Variants in MAGI2 observed in about 807,000 individuals in gnomAD.
The protein encoded by MAGI2 is membrane-associated guanylate kinase, WW and PDZ domain-containing protein 2.
In MAGI2, 35 loss-of-function variants were observed where a neutral mutation model predicts 133.3. That is an observed-to-expected ratio of 0.26 (90% CI 0.20 to 0.35). The LOEUF (loss-of-function observed/expected upper bound fraction) is 0.35, where lower values mean the gene tolerates loss of function less well. Among genes scored for constraint, MAGI2 ranks in the 10% least tolerant of loss-of-function variants. The pLI is 1.00. For synonymous variants in MAGI2, 729 were observed against 710.6 expected, an observed-to-expected ratio of 1.03 and a Z score of -0.41; for missense variants, 1,636 against 1,863.4, an observed-to-expected ratio of 0.88 and a Z score of 2.25.
rs76074651 is a variant in MAGI2, at chr7:78,715,437, A to G, written c.419-88198T>C. 3.9e-5 allele frequency among the ~76,000 whole-genome samples: 6 copies of G among 152,306 alleles called. No homozygotes were observed. The East Asian group carries it at 1.2e-3, about 29-fold the overall frequency. The stretch of plus-strand genomic sequence containing the variant: ...TTGTATATCTTACCTGTTAAAAATT[A>G]AGGACTTTGTCACCAAAAAGCAATA... On this transcript the variant is annotated intron_variant, in intron 2 of 21. Coordinates refer to ENST00000354212, the MANE Select transcript of MAGI2 (RefSeq NM_012301.4).
At chr7:78,449,341 T>C (rs774960187) in intron 6 of MAGI2, among the ~76,000 whole-genome samples, 8 of 152,088 alleles carry the variant, frequency 5.3e-5, no homozygotes, top group African/African-American at 1.7e-4. Context: ...ATCTGCACTA[T>C]TGTTTACTTA....
At chr7:79,357,265 T>A (rs1427343005) in intron 1 of MAGI2, among the ~76,000 whole-genome samples, 3 of 152,180 alleles carry the variant, frequency 2.0e-5, no homozygotes, top group African/African-American at 4.8e-5. Flanking sequence ...TGACAATGCA[T>A]CCTGGGAGAC....
intron 2 of MAGI2, among the ~76,000 whole-genome samples, chr7:78,911,247 A>G (rs1041281612): frequency 9.9e-5 from 15 of 152,132 alleles, no homozygotes; most frequent in South Asian, 2.1e-4. Flanking sequence ...TTTTTCACAG[A>G]TAGTGGATTA....
intron 1 of MAGI2, among the ~76,000 whole-genome samples, chr7:79,205,359 A>G (rs1202478345): frequency 6.6e-6 from 1 of 151,950 alleles, no homozygotes; most frequent in Admixed American, 6.5e-5. Context: ...TTGCTGAAAA[A>G]TCTGTCAAGT....
At chr7:78,148,515 G>A (rs1326935756) in intron 16 of MAGI2, among the ~76,000 whole-genome samples, 1 of 152,138 alleles carries the variant, frequency 6.6e-6, no homozygotes, top group Non-Finnish European at 1.5e-5. Context: ...AAAGCAGAAG[G>A]AGATAAGAGG....
At chr7:78,496,033 T>C (rs918690543) in intron 5 of MAGI2, among the ~76,000 whole-genome samples, 2 of 152,218 alleles carry the variant, frequency 1.3e-5, no homozygotes, top group Admixed American at 1.3e-4. Context: ...AAAATTTGAT[T>C]TTATATTTCT....
chr7:79,269,012 T>C (rs1834682179), intron 1 of MAGI2, among the ~76,000 whole-genome samples: 1 of 152,070 alleles, frequency 6.6e-6, no homozygotes, highest in Non-Finnish European at 1.5e-5. Context: ...ATTCCCACAA[T>C]CACGGGAAAT....
At chr7:78,651,778 A>G (rs1017137812) in intron 2 of MAGI2, among the ~76,000 whole-genome samples, 2 of 152,270 alleles carry the variant, frequency 1.3e-5, no homozygotes, top group South Asian at 4.1e-4. Flanking sequence ...ATATATTTTG[A>G]GTATGAGGGT....
chr7:79,035,288 T>A (rs1055065028), intron 1 of MAGI2, among the ~76,000 whole-genome samples: 4 of 152,132 alleles, frequency 2.6e-5, no homozygotes, highest in Non-Finnish European at 4.4e-5. Flanking sequence ...GTTCTATTGT[T>A]GCTCTACCAG....
intron 1 of MAGI2, among the ~76,000 whole-genome samples, chr7:79,060,694 G>A (rs916295746): frequency 2.6e-5 from 4 of 152,052 alleles, no homozygotes; most frequent in Non-Finnish European, 4.4e-5. Context: ...GATAAAGCAC[G>A]AGAATTAAGG....
chr7:79,368,541 A>G (rs1024306252), intron 1 of MAGI2, among the ~76,000 whole-genome samples: 1 of 152,160 alleles, frequency 6.6e-6, no homozygotes, highest in Non-Finnish European at 1.5e-5. Context: ...AAAGAGTACT[A>G]CTTGACTTTT....
intron 1 of MAGI2, among the ~76,000 whole-genome samples, chr7:79,182,511 T>C (rs1001160229): frequency 2.6e-5 from 4 of 151,916 alleles, no homozygotes; most frequent in African/African-American, 7.3e-5. Context: ...GAATTCAAGA[T>C]GAAATTTGAG....
At chr7:78,704,020 T>C (rs1818348141) in intron 2 of MAGI2, among the ~76,000 whole-genome samples, 1 of 152,004 alleles carries the variant, frequency 6.6e-6, no homozygotes, top group Non-Finnish European at 1.5e-5. Flanking sequence ...CTGGCAAAGA[T>C]TTCACGACAA....
intron 2 of MAGI2, among the ~76,000 whole-genome samples, chr7:78,734,437 A>G (rs968604583): frequency 6.6e-6 from 1 of 152,176 alleles, no homozygotes; most frequent in African/African-American, 2.4e-5. Flanking sequence ...TACCTCAGTG[A>G]GCCACTATTT....
intron 1 of MAGI2, among the ~76,000 whole-genome samples, chr7:79,211,020 C>A (rs1222243953): frequency 6.6e-6 from 1 of 151,926 alleles, no homozygotes; most frequent in Non-Finnish European, 1.5e-5. Flanking sequence ...TGGAAAACAA[C>A]CCAAACATTT....
chr7:78,375,818 G>A (rs924700763), intron 6 of MAGI2, among the ~76,000 whole-genome samples: 3 of 152,090 alleles, frequency 2.0e-5, no homozygotes, highest in African/African-American at 4.8e-5. Context: ...TACAGCTTTT[G>A]CTCCTAGTTG....
intron 2 of MAGI2, among the ~76,000 whole-genome samples, chr7:78,803,725 T>G (rs1269019901): frequency 6.6e-6 from 1 of 152,252 alleles, no homozygotes; most frequent in Non-Finnish European, 1.5e-5. Flanking sequence ...ACTCATATAC[T>G]TAAAAGTAAA....
At chr7:79,178,819 C>T (rs145849972) in intron 1 of MAGI2, among the ~76,000 whole-genome samples, 2,186 of 151,964 alleles carry the variant, frequency 0.014, 76 homozygotes, top group African/African-American at 0.049. Context: ...ACATCATTGG[C>T]TATTTCTGCA....
At chr7:79,451,441 C>A (rs1013679140) in intron 1 of MAGI2, among the ~76,000 whole-genome samples, 2 of 152,140 alleles carry the variant, frequency 1.3e-5, no homozygotes, top group African/African-American at 4.8e-5. Flanking sequence ...GGTATCTTAT[C>A]TTCAAAAATA....
Sources: allele counts gnomAD v4.1 joint callset (sites outside exome capture counted in the v4.1 genomes callset), GRCh38; gene constraint gnomAD v4.1.1; transcripts MANE v1.5; gene names NCBI Gene and HGNC (gene_info 2026-07-23, HGNC 2026-07-21).